The following POU2F2 variants were observed in gnomAD, a reference collection of about 807,000 sequenced individuals.
POU2F2 encodes POU domain, class 2, transcription factor 2.
Under a neutral mutation model 63.5 loss-of-function variants are expected in POU2F2, and 14 were observed. The ratio of observed to expected loss-of-function variants is 0.22; its 90% CI spans 0.15 to 0.34. POU2F2 has a LOEUF of 0.34. Ranked by LOEUF, POU2F2 falls within the 10% of genes least tolerant of loss-of-function variation. POU2F2 has a pLI of 1.00. For synonymous variants in POU2F2, 306 were observed against 348.6 expected (o/e 0.88, Z 1.36); for missense variants, 607 against 815.2 (o/e 0.74, Z 3.11).
Position 42,091,225 on chromosome 19 carries a change from C to A in POU2F2, c.*32G>T. The A allele has an allele frequency of 6.6e-7, 1 of 1,507,566 alleles. No homozygotes were observed. The highest frequency in any genetic ancestry group is 1.4e-5 in the African/African-American group (1 of 72,592). The allele number at this position is 1,507,566 out of a possible 1,614,324, so 93.4% of individuals were successfully genotyped here. A position where few individuals can be genotyped will look rare whatever the true frequency, so the allele number is the denominator to read the frequency against. On this transcript the variant is annotated 3_prime_UTR_variant, in exon 15 of 15. Transcript: ENST00000692977. ...CCAGGCAAGGGACCAAGGCAGGGAC[C>A]AGAGGAATGGGAGGGGAGGCATGGC...
At chr19:42,181,578 T>TTATG (rs1324334241) in intron 1 of POU2F2, among the ~76,000 whole-genome samples, 1 of 151,056 alleles carries the variant, frequency 6.6e-6, no homozygotes, top group Non-Finnish European at 1.5e-5. Context: ...ATACATTTAT[T>TTATG]TATTTATTTA....
chr19:42,185,251 G>A (rs1158555173), intron 1 of POU2F2, among the ~76,000 whole-genome samples: 1 of 151,948 alleles, frequency 6.6e-6, no homozygotes, highest in East Asian at 1.9e-4. Context: ...CAGTGTCCTA[G>A]TTCAGGCCTC....
At chr19:42,105,006 A>C (rs1165596843) in intron 5 of POU2F2, among the ~76,000 whole-genome samples, 3 of 152,086 alleles carry the variant, frequency 2.0e-5, no homozygotes, top group African/African-American at 7.2e-5. Flanking sequence ...CTATCCTGTG[A>C]AACAATGTCC....
rs1389781904 is a variant in POU2F2, at chr19:42,092,145, T to C, written c.1390A>G (p.Thr464Ala). Residue 464 changes from threonine to alanine, a missense_variant, in exon 13 of 15, where the codon ACC becomes GCC. By Grantham distance (58) the Thr-to-Ala change is moderately conservative. This residue lies in a region of POU2F2 where 270 missense variants were observed against 307.5 expected (regional missense o/e 0.88). Transcript: ENST00000692977. This position sits in a 1 kb window ranked among gnomAD's most constrained non-coding sequence, Gnocchi z 5.0. ...IPSVTPPPPA[T>A]TNSTNPSPQG... is the part of the protein sequence containing the mutation. ...GGGCTGGGGTTTGTGCTGTTGGTGGTGGCCGGGGGTGGGGGAGTGACAGAG... is the reference window on the plus strand; with the variant it reads ...GGGCTGGGGTTTGTGCTGTTGGTGGCGGCCGGGGGTGGGGGAGTGACAGAG... The C allele has an allele frequency of 1.5e-6, 2 of 1,329,230 alleles. No homozygotes were observed. Among genetic ancestry groups the C allele is most frequent in the East Asian group, 7.3e-5 (2 of 27,306 alleles). 82.3% of individuals were successfully genotyped at this position (1,329,230 alleles called of 1,614,324 possible). A position where few individuals can be genotyped will look rare whatever the true frequency, so the allele number is the denominator to read the frequency against.
At chr19:42,109,041 T>C (rs1338254692) in intron 5 of POU2F2, among the ~76,000 whole-genome samples, 1 of 152,212 alleles carries the variant, frequency 6.6e-6, no homozygotes, top group Non-Finnish European at 1.5e-5. Flanking sequence ...AGCTGGGACT[T>C]TGGCTATGAC....
At chr19:42,173,892 G>A (rs2034819542) in intron 1 of POU2F2, among the ~76,000 whole-genome samples, 1 of 152,190 alleles carries the variant, frequency 6.6e-6, no homozygotes, top group Admixed American at 6.5e-5. Context: ...GGAAGTAGAT[G>A]TGGAATCGCA....
chr19:42,190,243 C>A (rs1288640765), intron 1 of POU2F2, among the ~76,000 whole-genome samples: 1 of 151,654 alleles, frequency 6.6e-6, no homozygotes, highest in African/African-American at 2.4e-5. Flanking sequence ...GGTGTGGCTA[C>A]ATGAAGGGTT....
Position 42,091,299 on chromosome 19 carries a change from A to G in POU2F2, c.1833T>C (p.Pro611=), listed in dbSNP as rs1246680554. 1 of 1,533,216 alleles carries G rather than the reference A, an allele frequency of 6.5e-7. No homozygotes were observed. The highest frequency in any genetic ancestry group is 2.4e-5 in the East Asian group (1 of 40,826). The allele number at this position is 1,533,216 out of a possible 1,614,324, so 95.0% of individuals were successfully genotyped here. A position where few individuals can be genotyped will look rare whatever the true frequency, so the allele number is the denominator to read the frequency against. The change falls in exon 15 of 15, where the codon CCT becomes CCC. Residue 611 remains proline (P), a synonymous_variant. Coordinates refer to ENST00000692977, the MANE Select transcript of POU2F2 (RefSeq NM_001394376.1). ...CTGCCTCGGGCCCCCCTGGACCTCC[A>G]GGGGTCTGTGCTGCCGTCTCGCTGC... ...STCSETAAQT[P]GGPGGPEAGS... is the part of the protein sequence containing the mutation.
rs144966425 is a variant in POU2F2, at chr19:42,187,202, G to A, written c.-70+9181C>T. Among the ~76,000 whole-genome samples the A allele has an allele frequency of 2.1e-3, 320 of 152,220 alleles. 3 individuals are homozygous for A. Among genetic ancestry groups the A allele is most frequent in the African/African-American group, 7.4e-3 (307 of 41,524 alleles). On this transcript the variant is annotated intron_variant, in intron 1 of 5. Coordinates refer to the POU2F2 transcript ENST00000532176. ...GCAGAGGTCAGGTGCAGTGGTTCAC[G>A]CCTGTAATCCCAGCATTTTGGGAGG...
At chr19:42,112,867 C>G (rs749202338) in intron 5 of POU2F2, among the ~76,000 whole-genome samples, 4 of 152,176 alleles carry the variant, frequency 2.6e-5, no homozygotes, top group African/African-American at 4.8e-5. Flanking sequence ...TTTGGCTCCT[C>G]CCTCCCAGCT....
At chr19:42,132,292 C>G in intron 1 of POU2F2, 92 bp downstream of exon 1, 1 of 1,424,804 alleles carries the variant, frequency 7.0e-7, no homozygotes, top group East Asian at 2.6e-5. Context: ...ACAATGGAGA[C>G]AGCTGAGGAG....
intron 1 of POU2F2, among the ~76,000 whole-genome samples, chr19:42,166,481 A>G (rs17342179): frequency 0.098 from 14,941 of 152,226 alleles, 882 homozygotes; most frequent in Middle Eastern, 0.2. Context: ...TTATTTTGCC[A>G]ACAAGGAAAC....
At chr19:42,150,861 AACT>A (rs1307227282) in intron 2 of POU2F2, among the ~76,000 whole-genome samples, 1 of 151,870 alleles carries the variant, frequency 6.6e-6, no homozygotes, top group Non-Finnish European at 1.5e-5. Context: ...GGGTGCCCAG[AACT>A]GCTGGCTCTG....
At chr19:42,195,064 A>T (rs1599738556) in intron 1 of POU2F2, among the ~76,000 whole-genome samples, 1 of 33,820 alleles carries the variant, frequency 3.0e-5, no homozygotes, top group Non-Finnish European at 5.8e-5. Context: ...GGAGGGAGGG[A>T]GGGAGGAAGG....
intron 5 of POU2F2, among the ~76,000 whole-genome samples, chr19:42,116,412 A>G (rs1489844883): frequency 6.6e-6 from 1 of 152,114 alleles, no homozygotes; most frequent in Non-Finnish European, 1.5e-5. Flanking sequence ...GAGGACAACA[A>G]TCTCAACCTC....
intron 5 of POU2F2, among the ~76,000 whole-genome samples, chr19:42,105,910 G>C (rs1169440690): frequency 1.3e-5 from 2 of 149,352 alleles, no homozygotes. Context: ...TTTGTGCCCT[G>C]AATTCTTCAG....
rs943410462 is a variant in POU2F2 at position 42,095,191 on chromosome 19, G to C, written c.1197+95C>G. On this transcript the variant is annotated intron_variant, in intron 11 of 14. Coordinates refer to ENST00000692977, the MANE Select transcript of POU2F2 (RefSeq NM_001394376.1). This position sits in a 1 kb window ranked among gnomAD's most constrained non-coding sequence, Gnocchi z 7.1. ...TCCAAGAGTGACTCTTCTTGTCTCT[G>C]TTCTAGGCTCTGTGGACAACCAGGT... 4.2e-6 allele frequency: 6 copies of C among 1,413,796 alleles called. No individual in the cohort carries two copies. Among genetic ancestry groups the C allele is most frequent in the African/African-American group, 2.9e-5 (2 of 69,956 alleles). The allele number at this position is 1,413,796 out of a possible 1,614,324, so 87.6% of individuals were successfully genotyped here.
upstream of POU2F2, chr19:42,132,487 C>T (rs2033842088): frequency 7.4e-7 from 1 of 1,350,990 alleles, no homozygotes; most frequent in African/African-American, 1.5e-5. Context: ...CCCTCCCTGC[C>T]GGAAGTCACT....
intron 5 of POU2F2, among the ~76,000 whole-genome samples, chr19:42,106,825 A>G (rs1600041471): frequency 1.3e-5 from 2 of 150,912 alleles, no homozygotes; most frequent in Admixed American, 1.3e-4. Context: ...GAGGAGAAGG[A>G]GGAGGAGGAG....
Sources: allele counts gnomAD v4.1 joint callset (sites outside exome capture counted in the v4.1 genomes callset), GRCh38; gene constraint gnomAD v4.1.1; regional missense constraint gnomAD v4.1.1; non-coding constraint Gnocchi (gnomAD v3.1); transcripts MANE v1.5; gene names NCBI Gene and HGNC (gene_info 2026-07-23, HGNC 2026-07-21).